Variants in PHACTR3 observed in about 807,000 individuals in gnomAD.
PHACTR3 encodes phosphatase and actin regulator 3.
In PHACTR3, 16 loss-of-function variants were observed where a neutral mutation model predicts 66.8. That is an observed-to-expected ratio of 0.24 (90% CI 0.16 to 0.36). The LOEUF is 0.36. Ranked by LOEUF, PHACTR3 falls within the 10% of genes least tolerant of loss-of-function variation. PHACTR3 has a pLI of 1.00. For missense variants in PHACTR3, 647 were observed against 719.9 expected (o/e 0.90, Z 1.16); for synonymous variants, 323 against 292.1 (o/e 1.11, Z -1.08).
At chr20:59,638,904 G>C (rs906211759) in intron 1 of PHACTR3, among the ~76,000 whole-genome samples, 38 of 145,582 alleles carry the variant, frequency 2.6e-4, no homozygotes, top group Non-Finnish European at 4.7e-4. Context: ...TGGGTGGATG[G>C]ATGGAGATTG....
intron 1 of PHACTR3, among the ~76,000 whole-genome samples, chr20:59,712,313 A>G (rs953199784): frequency 6.6e-6 from 1 of 152,146 alleles, no homozygotes; most frequent in African/African-American, 2.4e-5. Flanking sequence ...CCATTGGCTT[A>G]TGGTGCTTTT....
At chr20:59,839,578 A>ATAGGACAGCCATTATCTTG (rs2059021073) in intron 9 of PHACTR3, among the ~76,000 whole-genome samples, 1 of 152,190 alleles carries the variant, frequency 6.6e-6, no homozygotes. Context: ...AACACCAGAA[A>ATAGGACAGCCATTATCTTG]TAGGACAGCC....
intron 7 of PHACTR3, among the ~76,000 whole-genome samples, chr20:59,777,958 C>G (rs1402415967): frequency 6.6e-6 from 1 of 152,162 alleles, no homozygotes; most frequent in Admixed American, 6.5e-5. Flanking sequence ...CTCCAGATCT[C>G]GGTTCCCATC....
At chr20:59,788,695 C>T (rs927279571) in intron 7 of PHACTR3, among the ~76,000 whole-genome samples, 1 of 152,174 alleles carries the variant, frequency 6.6e-6, no homozygotes, top group Admixed American at 6.5e-5. Context: ...TCCATTTGTC[C>T]ACTGTCCCTG....
At chr20:59,676,257 G>C (rs999701537) in intron 1 of PHACTR3, among the ~76,000 whole-genome samples, 5 of 152,206 alleles carry the variant, frequency 3.3e-5, no homozygotes, top group African/African-American at 1.2e-4. Flanking sequence ...TCTGTATATG[G>C]GATTCAGGAC....
At chr20:59,739,132 G>A (rs1017130287) in intron 1 of PHACTR3, among the ~76,000 whole-genome samples, 1 of 152,148 alleles carries the variant, frequency 6.6e-6, no homozygotes, top group African/African-American at 2.4e-5. Context: ...AGCTGCCCTG[G>A]TTCCACACAT....
chr20:59,746,606 TTGAG>T (rs1157335333), intron 2 of PHACTR3, among the ~76,000 whole-genome samples: 2 of 152,230 alleles, frequency 1.3e-5, no homozygotes, highest in Non-Finnish European at 2.9e-5. Context: ...GGAAATGCTT[TTGAG>T]TAAGTGAAAT....
At chr20:59,700,111 G>A (rs1362542039) in intron 1 of PHACTR3, among the ~76,000 whole-genome samples, 1 of 149,724 alleles carries the variant, frequency 6.7e-6, no homozygotes, top group Non-Finnish European at 1.5e-5. Context: ...TTCACGATAT[G>A]TGTGTTTGTC....
intron 1 of PHACTR3, among the ~76,000 whole-genome samples, chr20:59,609,169 A>T (rs2033771876): frequency 6.6e-6 from 1 of 152,204 alleles, no homozygotes; most frequent in Admixed American, 6.5e-5. Context: ...GGTCTGCTTT[A>T]CTGCCTGGAG....
At chr20:59,716,206 TTGTGTGTGTGTGTGTGTG>T (rs201782505) in intron 1 of PHACTR3, among the ~76,000 whole-genome samples, 1,455 of 128,660 alleles carry the variant, frequency 0.011, 24 homozygotes, top group African/African-American at 0.034. Context: ...CCTTCACCCT[TTGTGTGTGTGTGTGTGTG>T]TGTGTGTGTG....
chr20:59,802,575 G>A (rs1418263925), intron 7 of PHACTR3, among the ~76,000 whole-genome samples: 1 of 152,200 alleles, frequency 6.6e-6, no homozygotes, highest in African/African-American at 2.4e-5. Context: ...ACCGGGGCTA[G>A]GGGAATGTCC....
At chr20:59,740,473 T>A (rs564300816) in intron 1 of PHACTR3, among the ~76,000 whole-genome samples, 70 of 151,402 alleles carry the variant, frequency 4.6e-4, no homozygotes, top group Non-Finnish European at 5.8e-4. Flanking sequence ...TTTCCAAAAA[T>A]TTTTTTGTAG....
intron 1 of PHACTR3, among the ~76,000 whole-genome samples, chr20:59,613,449 C>T (rs2033926094): frequency 6.6e-6 from 1 of 152,202 alleles, no homozygotes; most frequent in Non-Finnish European, 1.5e-5. Flanking sequence ...GGAGCACTGC[C>T]CAGTGACACC....
intron 1 of PHACTR3, among the ~76,000 whole-genome samples, chr20:59,621,106 G>A (rs1465624449): frequency 6.6e-6 from 1 of 152,220 alleles, no homozygotes; most frequent in Non-Finnish European, 1.5e-5. Flanking sequence ...CTTGCTTTCT[G>A]GCAGCATAAG....
chr20:59,593,695 C>T (rs2033250104), intron 1 of PHACTR3, among the ~76,000 whole-genome samples: 1 of 152,088 alleles, frequency 6.6e-6, no homozygotes. Flanking sequence ...AGGCTTATGT[C>T]TAGATTCAGT....
chr20:59,592,889 A>G (rs545799974), intron 1 of PHACTR3, among the ~76,000 whole-genome samples: 7 of 152,224 alleles, frequency 4.6e-5, no homozygotes, highest in Non-Finnish European at 8.8e-5. Context: ...TTGTTTGTCT[A>G]CTCACCTGCT....
chr20:59,721,992 A>G (rs1310470832), intron 1 of PHACTR3, among the ~76,000 whole-genome samples: 1 of 152,130 alleles, frequency 6.6e-6, no homozygotes, highest in Non-Finnish European at 1.5e-5. Flanking sequence ...GCACTTTGGG[A>G]GGCCGATGCA....
chr20:59,708,645 C>G (rs1164037816), intron 1 of PHACTR3, among the ~76,000 whole-genome samples: 2 of 152,170 alleles, frequency 1.3e-5, no homozygotes, highest in Non-Finnish European at 2.9e-5. Flanking sequence ...TGGGAGACAG[C>G]CCCAAAGTCC....
intron 9 of PHACTR3, 103 bp from the exon 10 acceptor site, chr20:59,840,266 C>G: frequency 6.7e-7 from 1 of 1,484,008 alleles, no homozygotes; most frequent in Admixed American, 2.5e-5. Context: ...AACTTCAGCT[C>G]CCAGAAATAT....
Sources: gnomAD v4.1 joint callset for allele counts (sites outside exome capture counted in the v4.1 genomes callset) on GRCh38, gnomAD v4.1.1 for gene constraint, MANE v1.5 for transcripts, NCBI Gene and HGNC (gene_info 2026-07-23, HGNC 2026-07-21) for gene names.